POLE: variants seen among roughly 807,000 people sequenced by gnomAD.
POLE encodes DNA polymerase epsilon, catalytic subunit.
A neutral mutation model predicts 279.2 loss-of-function variants in POLE; 188 were observed. The observed-to-expected ratio is 0.67, with a 90% CI of 0.60 to 0.76. POLE has a LOEUF of 0.76. Ranked by LOEUF, POLE falls within the 30% of genes least tolerant of loss-of-function variation. The pLI, the probability that POLE is intolerant of heterozygous loss-of-function variation, is 0.00. For synonymous variants in POLE, 1,214 were observed against 1,172.5 expected (o/e 1.04, Z -0.72); for missense variants, 2,703 against 3,016.7 (o/e 0.90, Z 2.44).
At chr12:132,650,706 A>G (rs926221539) in intron 29 of POLE, 3 of 152,202 alleles carry the variant, frequency 2.0e-5, no homozygotes, top group African/African-American at 7.2e-5. Flanking sequence ...TTTGCTCCAG[A>G]ATGCTTTTTG....
rs1555228286 is a variant in POLE at position 132,672,692 on chromosome 12, C to T, written c.1621G>A (p.Gly541Arg). 9 of 1,614,024 alleles carry T rather than the reference C, an allele frequency of 5.6e-6. No homozygotes were observed. The highest frequency in any genetic ancestry group is 7.6e-6 in the Non-Finnish European group (9 of 1,180,044). The change falls in exon 15 of 49, where the codon GGG becomes AGG. Residue 541 changes from glycine (G) to arginine (R), a missense_variant. Physicochemically the swap from Gly to Arg is moderately radical, Grantham distance 125. Coordinates refer to ENST00000320574, the MANE Select transcript of POLE (RefSeq NM_006231.4). ...GHVLDSETYV[G>R]GHVEALESGV... ...GACTCGAGGGCCTCCACGTGGCCCC[C>T]GACGTAGGTCTCAGAGTCCAGCACG... is the stretch of plus-strand genomic sequence containing the variant.
intron 44 of POLE, 69 bp downstream of exon 44, chr12:132,632,595 C>A (rs979527131): frequency 1.9e-6 from 3 of 1,610,168 alleles, no homozygotes; most frequent in African/African-American, 2.7e-5. Flanking sequence ...CCGGGGACCA[C>A]CCATGGCACA....
Position 132,679,655 on chromosome 12 carries a change from T to C in POLE, c.424-4A>G, listed in dbSNP as rs1006616721. The C allele has an allele frequency of 6.2e-7, 1 of 1,606,400 alleles. No homozygotes were observed. Among genetic ancestry groups the C allele is most frequent in the South Asian group, 1.1e-5 (1 of 90,944 alleles). On this transcript the variant is annotated splice_region_variant and splice_polypyrimidine_tract_variant and intron_variant, in intron 5 of 48. Transcript: ENST00000320574. ...TCAAACCCACCAAGTGATTTGGCTA[T>C]AATGCGAAGAGATCACGCTCATTGG...
At position 132,673,623 on chromosome 12, in the gene POLE, C is replaced by T. The variant is rs2042981316; in HGVS notation, c.1311G>A (p.Val437=). 6.2e-7 allele frequency: 1 copy of T among 1,613,918 alleles called. No homozygotes were observed. Residue 437 remains valine (V), a synonymous_variant, in exon 13 of 49, where the codon GTG becomes GTA. Transcript: ENST00000320574. ...AAKAKLGYDP[V]ELDPEDMCRM... ...GGCACATGTCCTCCGGGTCTAGCTCCACGGGATCATAGCCTAGCTTGGCCT... is the reference window on the plus strand; with the variant it reads ...GGCACATGTCCTCCGGGTCTAGCTCTACGGGATCATAGCCTAGCTTGGCCT...
intron 45 of POLE, 84 bp from the exon 46 acceptor site, chr12:132,626,401 G>T: frequency 7.5e-7 from 1 of 1,328,770 alleles, no homozygotes; most frequent in Non-Finnish European, 1.1e-6. Context: ...CTGGACCTTA[G>T]GCTACAGTTT....
At chr12:132,643,761 C>A (rs2138556658) in intron 33 of POLE, 76 bp downstream of exon 33, 1 of 1,539,852 alleles carries the variant, frequency 6.5e-7, no homozygotes. Context: ...CAGCCCACAC[C>A]CTGGGCGGGT....
intron 16 of POLE, among the ~76,000 whole-genome samples, chr12:132,670,408 G>A (rs1204490830): frequency 6.7e-6 from 1 of 148,832 alleles, no homozygotes; most frequent in Admixed American, 6.7e-5. Context: ...CCACGCCTGG[G>A]TAATTTTTTT....
In POLE at chr12:132,649,573, T is replaced by C. The variant is rs4883613; in HGVS notation, c.3796-58A>G. 0.61 allele frequency: 979,827 copies of C among 1,597,112 alleles called. 305,402 individuals are homozygous for C. Among genetic ancestry groups the C allele is most frequent in the African/African-American group, 0.86 (64,148 of 74,670 alleles). ...AGTGGTGAGATGGGAATGCCCGCCA[T>C]GACTTTCTCACAAGCAGCCTCCCTA... On this transcript the variant is annotated intron_variant, in intron 30 of 48. Transcript: ENST00000320574.
Position 132,649,051 on chromosome 12 carries a change from C to T in POLE, c.4027G>A (p.Gly1343Ser), listed in dbSNP as rs556821288. ...ACGAGCGCCCACAGCCTGAACAGGC[C>T]GGCCTGGCTGGTCTCGCTGATCTGA... ...IVQISETSQA[G>S]LFRLWALVGS... Residue 1343 changes from glycine (G) to serine (S), a missense_variant, in exon 32 of 49, where the codon GGC (glycine) becomes AGC (serine). Transcript: ENST00000320574. 17 of 1,612,786 alleles carry T rather than the reference C, an allele frequency of 1.1e-5. No individual in the cohort carries two copies. Among genetic ancestry groups the T allele is most frequent in the South Asian group, 5.5e-5 (5 of 91,034 alleles).
rs977709348 is a variant in POLE, at chr12:132,649,893, G to C, written c.3583-4C>G. Reference sequence around the variant, plus strand: ...CTGAGGCCTCGGCCATCGTGACCTGGAAAGACCCAGTGAAGCCTTAAATCT... The same window carrying C: ...CTGAGGCCTCGGCCATCGTGACCTGCAAAGACCCAGTGAAGCCTTAAATCT... On this transcript the variant is annotated splice_region_variant and splice_polypyrimidine_tract_variant and intron_variant, in intron 29 of 48. Coordinates refer to ENST00000320574, the MANE Select transcript of POLE (RefSeq NM_006231.4). 9.9e-6 allele frequency: 16 copies of C among 1,612,960 alleles called. No individual in the cohort carries two copies. The Admixed American group carries it at 2.2e-4, about 22-fold the overall frequency.
At chr12:132,683,950 C>T (rs538574845) in intron 1 of POLE, among the ~76,000 whole-genome samples, 1 of 152,036 alleles carries the variant, frequency 6.6e-6, no homozygotes, top group South Asian at 2.1e-4. Flanking sequence ...CACACAGGCT[C>T]TCATTCACAG....
At chr12:132,665,617 A>G (rs2042781250) in intron 20 of POLE, among the ~76,000 whole-genome samples, 167 bp from the exon 21 acceptor site, 1 of 152,138 alleles carries the variant, frequency 6.6e-6, no homozygotes, top group African/African-American at 2.4e-5. Context: ...GCCAACTGTC[A>G]ATATTTTGTC....
rs760495946 is a variant in POLE at position 132,635,958 on chromosome 12, G to A, written c.5745C>T (p.Leu1915=). The change falls in exon 42 of 49, where the codon CTC becomes CTT. Residue 1915 remains leucine, a synonymous_variant. Coordinates refer to ENST00000320574, the MANE Select transcript of POLE (RefSeq NM_006231.4). Reference sequence around the variant, plus strand: ...CGCCATAGTTAGATGGATCCATCCAGAGAAGAAATTCCCAGCATCGAGAGA... The same window carrying A: ...CGCCATAGTTAGATGGATCCATCCAAAGAAGAAATTCCCAGCATCGAGAGA... ...ISFSRCWEFL[L]WMDPSNYGGI... is the part of the protein sequence containing the mutation. The A allele has an allele frequency of 6.2e-7, 1 of 1,613,968 alleles. No homozygotes were observed. The highest frequency in any genetic ancestry group is 8.5e-7 in the Non-Finnish European group (1 of 1,179,842).
At chr12:132,660,157 G>C (rs1023781966) in intron 25 of POLE, 2 of 155,962 alleles carry the variant, frequency 1.3e-5, no homozygotes, top group African/African-American at 2.4e-5. Flanking sequence ...GAGAAACTCC[G>C]GCCGGCTGGA....
chr12:132,658,881 CAAAAAA>C lies in POLE; in HGVS notation c.3275+408_3275+413del, dbSNP rs1167117347. Among the ~76,000 whole-genome samples the C allele has an allele frequency of 4.0e-3, 137 of 33,828 alleles. 1 individual carries two copies. The highest frequency in any genetic ancestry group is 0.013 in the African/African-American group (124 of 9,770). 22.2% of individuals were successfully genotyped at this position (33,828 alleles called of 152,430 possible). ...ACTGGTCCTATTTGTATATAACCAC[CAAAAAA>C]AAAAAAAAAAAAAAAAAAAAAGAGC... On this transcript the variant is annotated intron_variant, in intron 26 of 48. Coordinates refer to ENST00000320574, the MANE Select transcript of POLE (RefSeq NM_006231.4).
chr12:132,662,458 G>A (rs1032646702), intron 23 of POLE, among the ~76,000 whole-genome samples: 5 of 152,182 alleles, frequency 3.3e-5, no homozygotes, highest in Non-Finnish European at 5.9e-5. Context: ...TAATAAGAAA[G>A]GGGCAGACTC....
chr12:132,675,289 C>G lies in POLE; in HGVS notation c.1226+109G>C, dbSNP rs533038989. ...TCTTGGGTGACCTGAAACGGCCTCT[C>G]GGAGGCCACCCTCCTCCCATGAGAT... On this transcript the variant is annotated intron_variant, in intron 12 of 48. Coordinates refer to ENST00000320574, the MANE Select transcript of POLE (RefSeq NM_006231.4). This position sits in a 1 kb window ranked among gnomAD's most constrained non-coding sequence, Gnocchi z 4.3. 1 of 1,422,436 alleles carries G rather than the reference C, an allele frequency of 7.0e-7. No individual in the cohort carries two copies. The highest frequency in any genetic ancestry group is 2.1e-5 in the Admixed American group (1 of 47,512). 88.1% of individuals were successfully genotyped at this position (1,422,436 alleles called of 1,614,324 possible). A position where few individuals can be genotyped will look rare whatever the true frequency, so the allele number is the denominator to read the frequency against.
chr12:132,637,316 G>A (rs2042053590), intron 41 of POLE, among the ~76,000 whole-genome samples: 1 of 152,176 alleles, frequency 6.6e-6, no homozygotes. Context: ...ACCATGCAAA[G>A]ATCAGACCCA....
chr12:132,662,786 A>G (rs986877913), intron 23 of POLE, among the ~76,000 whole-genome samples: 1 of 152,198 alleles, frequency 6.6e-6, no homozygotes, highest in Non-Finnish European at 1.5e-5. Context: ...ACAAACTAGG[A>G]GGCCCCAGTG....
Sources: allele counts gnomAD v4.1 joint callset (sites outside exome capture counted in the v4.1 genomes callset), GRCh38; gene constraint gnomAD v4.1.1; non-coding constraint Gnocchi (gnomAD v3.1); transcripts MANE v1.5; gene names NCBI Gene and HGNC (gene_info 2026-07-23, HGNC 2026-07-21).